CREM: variants seen among roughly 807,000 people sequenced by gnomAD.
The protein encoded by CREM is cAMP responsive element modulator.
A neutral mutation model predicts 37.3 loss-of-function variants in CREM; 13 were observed. The ratio of observed to expected loss-of-function variants is 0.35; its 90% CI spans 0.23 to 0.55. CREM has a LOEUF of 0.55. Among genes scored for constraint, CREM ranks in the 20% least tolerant of loss-of-function variants. The pLI is 0.88. For missense variants in CREM, 296 were observed against 362.3 expected, an observed-to-expected ratio of 0.82 and a Z score of 1.49; for synonymous variants, 124 against 120.2, an observed-to-expected ratio of 1.03 and a Z score of -0.21.
intron 6 of CREM, chr10:35,196,020 G>GT (rs756250998): frequency 1.2e-6 from 2 of 1,608,604 alleles, no homozygotes; most frequent in Non-Finnish European, 1.7e-6. Context: ...TTTTGAAGTG[G>GT]TTGTCTGCTT....
At chr10:35,206,664 T>C (rs936052729) in intron 6 of CREM, among the ~76,000 whole-genome samples, 2 of 152,202 alleles carry the variant, frequency 1.3e-5, no homozygotes, top group Non-Finnish European at 2.9e-5. Flanking sequence ...TAAAATGCAT[T>C]AGGATGCTTT....
At chr10:35,206,516 G>A (rs373567797) in intron 6 of CREM, among the ~76,000 whole-genome samples, 14 of 152,148 alleles carry the variant, frequency 9.2e-5, no homozygotes, top group Non-Finnish European at 1.6e-4. Flanking sequence ...TATTTACATC[G>A]TGAGAATTAC....
At chr10:35,174,296 C>T (rs2093953124) in intron 3 of CREM, among the ~76,000 whole-genome samples, 6 of 152,188 alleles carry the variant, frequency 3.9e-5, no homozygotes, top group Admixed American at 3.9e-4. Context: ...TTCATGGCCT[C>T]TAAAATGGAG....
chr10:35,210,936 T>C (rs184274362), intron 7 of CREM, among the ~76,000 whole-genome samples: 2 of 152,306 alleles, frequency 1.3e-5, no homozygotes, highest in Admixed American at 6.5e-5. Flanking sequence ...ATAAATGTGT[T>C]TGTAGAAATT....
intron 5 of CREM, among the ~76,000 whole-genome samples, chr10:35,183,741 G>A (rs185909398): frequency 4.7e-4 from 72 of 152,322 alleles, no homozygotes; most frequent in Non-Finnish European, 3.1e-4. Context: ...ACATGTGTAT[G>A]TATTTTAATT....
chr10:35,193,702 G>C (rs150657423), intron 6 of CREM, among the ~76,000 whole-genome samples: 201 of 152,290 alleles, frequency 1.3e-3, no homozygotes, highest in East Asian at 0.011. Flanking sequence ...AGCATCTGAG[G>C]TGTAAAGTCC....
intron 7 of CREM, among the ~76,000 whole-genome samples, chr10:35,209,621 A>G (rs913959230): frequency 1.3e-5 from 2 of 152,204 alleles, no homozygotes; most frequent in Admixed American, 6.5e-5. Flanking sequence ...CAACACCGCT[A>G]TTAGGTCTTT....
At chr10:35,161,377 C>T (rs1176813015) in intron 3 of CREM, among the ~76,000 whole-genome samples, 3 of 151,830 alleles carry the variant, frequency 2.0e-5, no homozygotes, top group South Asian at 2.1e-4. Flanking sequence ...CGCCTGTAAT[C>T]GCAGCTACTT....
At chr10:35,206,317 TACAC>T (rs2095522438) in intron 6 of CREM, among the ~76,000 whole-genome samples, 1 of 152,152 alleles carries the variant, frequency 6.6e-6, no homozygotes, top group Non-Finnish European at 1.5e-5. Context: ...CATATATACA[TACAC>T]ATACACAATT....
chr10:35,134,659 T>G (rs1268569723), intron 1 of CREM, among the ~76,000 whole-genome samples: 2 of 152,238 alleles, frequency 1.3e-5, no homozygotes, highest in Non-Finnish European at 1.5e-5. Context: ...ATTTCACCAT[T>G]TGTTCCCAAA....
At chr10:35,176,249 A>G (rs964806482) in intron 3 of CREM, among the ~76,000 whole-genome samples, 4 of 152,162 alleles carry the variant, frequency 2.6e-5, no homozygotes, top group African/African-American at 9.7e-5. Flanking sequence ...TGAGCAGTTC[A>G]TGTCTTCTTC....
chr10:35,149,889 A>AACACACAC (rs55971717), intron 3 of CREM, among the ~76,000 whole-genome samples: 9,970 of 111,632 alleles, frequency 0.089, 629 homozygotes, highest in Non-Finnish European at 0.093. Context: ...CTTTTGCTTA[A>AACACACAC]ACACACACAC....
intron 7 of CREM, chr10:35,209,506 T>A: frequency 4.0e-6 from 1 of 251,062 alleles, no homozygotes; most frequent in Non-Finnish European, 6.3e-6. Context: ...TTGACTCTAG[T>A]AATATGTGTG....
At chr10:35,166,640 G>C (rs1013860528) in intron 3 of CREM, among the ~76,000 whole-genome samples, 1 of 152,032 alleles carries the variant, frequency 6.6e-6, no homozygotes, top group South Asian at 2.1e-4. Flanking sequence ...GAGGCTGGAG[G>C]ATTGCTTGAG....
chr10:35,130,532 A>G (rs1402072501), intron 1 of CREM, among the ~76,000 whole-genome samples: 6 of 152,248 alleles, frequency 3.9e-5, no homozygotes, highest in African/African-American at 1.2e-4. Flanking sequence ...GTTTTGTTCA[A>G]TGATGGACCA....
chr10:35,190,522 C>T (rs1487737124), intron 6 of CREM, among the ~76,000 whole-genome samples: 3 of 152,148 alleles, frequency 2.0e-5, no homozygotes, highest in African/African-American at 7.2e-5. Flanking sequence ...TCTCATAAAA[C>T]AAGTTCCCCT....
intron 3 of CREM, among the ~76,000 whole-genome samples, chr10:35,166,697 G>T (rs1467145606): frequency 6.6e-6 from 1 of 151,774 alleles, no homozygotes; most frequent in African/African-American, 2.4e-5. Context: ...CCACTGAACC[G>T]CAGCCTGAGC....
intron 1 of CREM, among the ~76,000 whole-genome samples, chr10:35,135,155 T>C (rs2090232717): frequency 6.6e-6 from 1 of 152,166 alleles, no homozygotes; most frequent in Non-Finnish European, 1.5e-5. Flanking sequence ...TCATACCTAA[T>C]AAAGTTTTTA....
chr10:35,191,637 C>T (rs923043582), intron 6 of CREM, among the ~76,000 whole-genome samples: 2 of 152,076 alleles, frequency 1.3e-5, no homozygotes, highest in African/African-American at 2.4e-5. Flanking sequence ...TTAACACTGT[C>T]GACTTCTGCT....
Sources: allele counts gnomAD v4.1 joint callset (sites outside exome capture counted in the v4.1 genomes callset), GRCh38; gene constraint gnomAD v4.1.1; transcripts MANE v1.5; gene names NCBI Gene and HGNC (gene_info 2026-07-23, HGNC 2026-07-21).